Variants in PUS10 observed in about 807,000 individuals in gnomAD.
PUS10 encodes tRNA pseudouridine synthase Pus10.
Under a neutral mutation model 75.0 loss-of-function variants are expected in PUS10, and 59 were observed. The ratio of observed to expected loss-of-function variants is 0.79; its 90% CI spans 0.64 to 0.98. The LOEUF is 0.98. Ranked by LOEUF, PUS10 falls within the 50% of genes least tolerant of loss-of-function variation. PUS10 has a pLI of 0.00. For missense variants in PUS10, 650 were observed against 614.4 expected, an observed-to-expected ratio of 1.06 and a Z score of -0.61; for synonymous variants, 219 against 211.6, an observed-to-expected ratio of 1.03 and a Z score of -0.30.
At position 61,008,767 on chromosome 2, in the gene PUS10, A is replaced by G. The variant is rs1679403655; in HGVS notation, c.375T>C (p.Ile125=). The change falls in exon 3 of 18, where the codon ATT becomes ATC. Residue 125 remains isoleucine (I), a synonymous_variant. Transcript: ENST00000316752. ...ILQEFCEKDF[I]KKVCQKVEAS... The stretch of plus-strand genomic sequence containing the variant: ...TGAAAAACAGGTTATTTACCTTTTT[A>G]ATGAAATCTTTCTCACAGAATTCTT... 1 of 1,572,878 alleles carries G rather than the reference A, an allele frequency of 6.4e-7. No individual in the cohort carries two copies. Among genetic ancestry groups the G allele is most frequent in the African/African-American group, 1.4e-5 (1 of 73,258 alleles).
intron 15 of PUS10, among the ~76,000 whole-genome samples, chr2:60,950,008 G>A (rs1246942001): frequency 1.3e-5 from 2 of 152,186 alleles, no homozygotes; most frequent in African/African-American, 2.4e-5. Context: ...CATTCTCAAT[G>A]ACTTGTACGA....
chr2:61,011,327 G>T (rs370414373), intron 2 of PUS10, among the ~76,000 whole-genome samples: 20 of 152,182 alleles, frequency 1.3e-4, no homozygotes, highest in East Asian at 5.8e-4. Context: ...ATTTCTAGAG[G>T]ATTCCAAATA....
intron 8 of PUS10, 91 bp from the exon 9 acceptor site, chr2:60,962,981 T>C (rs766080833): frequency 1.2e-5 from 17 of 1,440,236 alleles, no homozygotes; most frequent in Non-Finnish European, 1.5e-5. Context: ...GGAGAAATTG[T>C]ATCATTTCAT....
intron 17 of PUS10, 56 bp from the exon 18 acceptor site, chr2:60,942,489 G>A: frequency 3.9e-6 from 5 of 1,285,404 alleles, no homozygotes; most frequent in Non-Finnish European, 5.7e-6. Context: ...GTAAGCATTT[G>A]CTGGTAATGC....
At chr2:60,959,513 C>T (rs928208689) in intron 11 of PUS10, among the ~76,000 whole-genome samples, 3 of 152,166 alleles carry the variant, frequency 2.0e-5, no homozygotes, top group Admixed American at 6.5e-5. Flanking sequence ...CTCAGCCTTC[C>T]AAGTAGCTGG....
At chr2:60,956,507 T>A (rs1161415041) in intron 11 of PUS10, among the ~76,000 whole-genome samples, 1 of 152,090 alleles carries the variant, frequency 6.6e-6, no homozygotes, top group Non-Finnish European at 1.5e-5. Flanking sequence ...AAGAAATAAG[T>A]CTACTAGTTA....
intron 14 of PUS10, 24 bp from the exon 15 acceptor site, chr2:60,953,138 G>C: frequency 7.6e-7 from 1 of 1,307,888 alleles, no homozygotes; most frequent in Non-Finnish European, 1.1e-6. Flanking sequence ...ATTTTTAGAA[G>C]TTTGTCCAAA....
intron 4 of PUS10, 125 bp downstream of exon 4, chr2:61,006,432 A>G (rs1679215490): frequency 2.8e-6 from 2 of 703,990 alleles, no homozygotes; most frequent in Non-Finnish European, 4.7e-6. Flanking sequence ...AATTGCTTCA[A>G]TCATTCAATA....
chr2:61,003,846 A>C (rs975202577), intron 4 of PUS10, among the ~76,000 whole-genome samples: 3 of 152,088 alleles, frequency 2.0e-5, no homozygotes, highest in African/African-American at 7.2e-5. Flanking sequence ...CTAGCCATTT[A>C]ATTTTTTAAA....
In PUS10 at chr2:60,942,024, TG is replaced by T. The variant is rs1366007620; in HGVS notation, c.*370del. On this transcript the variant is annotated 3_prime_UTR_variant, in exon 18 of 18. Transcript: ENST00000316752. ...AAAAATTAGAACATGATTTTAAAGG[TG>T]GTATATCTCTTGTGGAGGGAAATCT... 2 of 180,840 alleles carry T rather than the reference TG, an allele frequency of 1.1e-5. No homozygotes were observed. The highest frequency in any genetic ancestry group is 4.7e-5 in the African/African-American group (2 of 42,360). The allele number at this position is 180,840 out of a possible 1,614,324, so 11.2% of individuals were successfully genotyped here. A position where few individuals can be genotyped will look rare whatever the true frequency, so the allele number is the denominator to read the frequency against.
rs374994768 is a variant in PUS10 at position 61,005,262 on chromosome 2, AAAAC to A, written c.468+1291_468+1294del. Among the ~76,000 whole-genome samples the A allele has an allele frequency of 2.8e-3, 421 of 152,234 alleles. 2 individuals carry two copies. The highest frequency in any genetic ancestry group is 0.026 in the East Asian group (137 of 5,182). The stretch of plus-strand genomic sequence containing the variant: ...GGCAACAAGAACGAAACTCCGTCTC[AAAAC>A]AAACAAACAAACAAACAAACAAATC... On this transcript the variant is annotated intron_variant, in intron 4 of 17. Transcript: ENST00000316752.
chr2:61,013,158 T>C (rs1679739870), intron 1 of PUS10, among the ~76,000 whole-genome samples: 1 of 148,942 alleles, frequency 6.7e-6, no homozygotes. Context: ...AAGACCGAGG[T>C]GGGAGGATCG....
intron 4 of PUS10, among the ~76,000 whole-genome samples, chr2:60,974,672 C>T (rs994681894): frequency 2.0e-4 from 30 of 152,180 alleles, no homozygotes; most frequent in Non-Finnish European, 3.8e-4. Context: ...CCATATTCCC[C>T]GGGGTCAGCT....
At chr2:60,962,441 G>T (rs909858191) in intron 9 of PUS10, among the ~76,000 whole-genome samples, 1 of 152,128 alleles carries the variant, frequency 6.6e-6, no homozygotes, top group Non-Finnish European at 1.5e-5. Context: ...GGCAGTGGTG[G>T]TGCATGCCTA....
In PUS10 at chr2:61,014,158, GACA is replaced by G. The variant is rs1679817407; in HGVS notation, c.-15-2256_-15-2254del. Among the ~76,000 whole-genome samples the G allele has an allele frequency of 2.6e-5, 4 of 152,282 alleles. No individual in the cohort carries two copies. The South Asian group carries it at 8.3e-4, about 32-fold the overall frequency. The stretch of plus-strand genomic sequence containing the variant: ...GGAAGCCGAGGCGGGCGGATCACCT[GACA>G]ACAGGAGTTTGAGACCAGCCTGGCC... On this transcript the variant is annotated intron_variant, in intron 1 of 17. Coordinates refer to ENST00000316752, the MANE Select transcript of PUS10 (RefSeq NM_144709.4).
chr2:60,955,003 C>T lies in PUS10; in HGVS notation c.1057+15G>A, dbSNP rs1340328532. On this transcript the variant is annotated intron_variant, in intron 12 of 17. Coordinates refer to ENST00000316752, the MANE Select transcript of PUS10 (RefSeq NM_144709.4). Reference sequence around the variant, plus strand: ...GAAAGTTAGTTCTAATCAGGTGATGCTGTTGCAGTCTTACCATTTCCTAAT... The same window carrying T: ...GAAAGTTAGTTCTAATCAGGTGATGTTGTTGCAGTCTTACCATTTCCTAAT... The T allele has an allele frequency of 6.6e-7, 1 of 1,517,608 alleles. No homozygotes were observed. Among genetic ancestry groups the T allele is most frequent in the Admixed American group, 1.8e-5 (1 of 55,516 alleles). The allele number at this position is 1,517,608 out of a possible 1,614,324, so 94.0% of individuals were successfully genotyped here.
At chr2:60,994,156 G>A (rs746123842) in intron 4 of PUS10, among the ~76,000 whole-genome samples, 2 of 151,578 alleles carry the variant, frequency 1.3e-5, no homozygotes, top group Non-Finnish European at 2.9e-5. Context: ...TCTGCTTGGA[G>A]GGAAGAAAGT....
rs1674572621 is a variant in PUS10 at position 60,940,405 on chromosome 2, C to T, written c.*1990G>A. 1 of 152,216 alleles carries T rather than the reference C, an allele frequency of 6.6e-6. No individual in the cohort carries two copies. The highest frequency in any genetic ancestry group is 2.4e-5 in the African/African-American group (1 of 41,442). 9.4% of individuals were successfully genotyped at this position (152,216 alleles called of 1,614,324 possible). A position where few individuals can be genotyped will look rare whatever the true frequency, so the allele number is the denominator to read the frequency against. ...ATTTAAATAAAGCTTACAAAGAAAT[C>T]ATAAAACTAATTTTAAAATGCTTTT... is the stretch of plus-strand genomic sequence containing the variant. On this transcript the variant is annotated 3_prime_UTR_variant, in exon 18 of 18. Transcript: ENST00000316752.
intron 4 of PUS10, among the ~76,000 whole-genome samples, chr2:61,002,869 T>G (rs1218033420): frequency 6.6e-6 from 1 of 152,206 alleles, no homozygotes; most frequent in East Asian, 1.9e-4. Context: ...CAACTTTCCA[T>G]ATTGTTCTCT....
Sources: allele counts gnomAD v4.1 joint callset (sites outside exome capture counted in the v4.1 genomes callset), GRCh38; gene constraint gnomAD v4.1.1; transcripts MANE v1.5; gene names NCBI Gene and HGNC (gene_info 2026-07-23, HGNC 2026-07-21).